Variants in GINS1 observed in about 807,000 individuals in gnomAD.
GINS1 encodes the protein GINS complex subunit 1.
Under a neutral mutation model 34.9 loss-of-function variants are expected in GINS1, and 26 were observed. The ratio of observed to expected loss-of-function variants is 0.74; its 90% CI spans 0.55 to 1.03. GINS1 has a LOEUF of 1.03. Ranked by LOEUF, GINS1 falls within the 50% of genes least tolerant of loss-of-function variation. The pLI is 0.00. For synonymous variants in GINS1, 97 were observed against 84.4 expected (o/e 1.15, Z -0.82); for missense variants, 235 against 237.9 (o/e 0.99, Z 0.08).
chr20:25,441,176 AC>A (rs1055051529), intron 5 of GINS1, among the ~76,000 whole-genome samples: 91 of 152,176 alleles, frequency 6.0e-4, no homozygotes, highest in Non-Finnish European at 1.6e-4. Context: ...TCAGAATGCT[AC>A]CACTCCTGAA....
intron 5 of GINS1, among the ~76,000 whole-genome samples, chr20:25,432,226 C>T (rs1226660767): frequency 6.6e-6 from 1 of 151,954 alleles, no homozygotes. Context: ...CTATAAATTT[C>T]TCAGTACTGC....
intron 5 of GINS1, among the ~76,000 whole-genome samples, chr20:25,426,099 A>T (rs889088760): frequency 6.6e-6 from 1 of 152,052 alleles, no homozygotes; most frequent in African/African-American, 2.4e-5. Context: ...TAACTACCTC[A>T]TGTGAGTGGA....
In GINS1 at chr20:25,446,112, C is replaced by G; in HGVS notation, c.*121C>G. On this transcript the variant is annotated 3_prime_UTR_variant, in exon 7 of 7. Transcript: ENST00000262460. ...AAGCTATAGACATTGTTTAAGATAA[C>G]TAAGAATACTTGGCTAAGAAGTATA... 2 of 540,000 alleles carry G rather than the reference C, an allele frequency of 3.7e-6. No homozygotes were observed. Among genetic ancestry groups the G allele is most frequent in the Non-Finnish European group, 6.6e-6 (2 of 301,748 alleles). The allele number at this position is 540,000 out of a possible 1,614,324, so 33.5% of individuals were successfully genotyped here.
rs552390195 is a variant in GINS1 at position 25,407,885 on chromosome 20, C to T, written c.65C>T (p.Pro22Leu). ...CATCGCGCGCCCGAAGGGCAACTGC[C>T]TGCCTTCAACGTGAGGGGCGGGTAG... Reference protein sequence around the residue: ...ELHRAPEGQLPAFNEDGLRQV... With the variant: ...ELHRAPEGQLLAFNEDGLRQV... Residue 22 changes from proline (P) to leucine (L), a missense_variant, in exon 1 of 7, where the codon CCT becomes CTT. By Grantham distance (98) the Pro-to-Leu change is moderately conservative. Coordinates refer to ENST00000262460, the MANE Select transcript of GINS1 (RefSeq NM_021067.5). The T allele has an allele frequency of 3.1e-6, 5 of 1,613,004 alleles. No homozygotes were observed. In the African/African-American group the frequency reaches 4.0e-5, roughly 13 times the overall value.
At chr20:25,440,810 C>CA (rs60014594) in intron 5 of GINS1, among the ~76,000 whole-genome samples, 1,859 of 68,280 alleles carry the variant, frequency 0.027, 18 homozygotes, top group East Asian at 0.085. Flanking sequence ...GACTCTGTCT[C>CA]AAAAAAAAAA....
chr20:25,422,548 G>GC (rs1205185186), intron 4 of GINS1, among the ~76,000 whole-genome samples: 1 of 152,068 alleles, frequency 6.6e-6, no homozygotes, highest in Non-Finnish European at 1.5e-5. Context: ...CTGAGATTGC[G>GC]CCACTGCACT....
chr20:25,413,893 AT>A, intron 2 of GINS1, 39 bp downstream of exon 2: 1 of 1,222,208 alleles, frequency 8.2e-7, no homozygotes, highest in Non-Finnish European at 1.2e-6. Context: ...CAATTCAATA[AT>A]TAAGATGTTG....
At chr20:25,428,397 CTTTT>C (rs544831869) in intron 5 of GINS1, among the ~76,000 whole-genome samples, 27 of 66,558 alleles carry the variant, frequency 4.1e-4, no homozygotes, top group African/African-American at 1.6e-3. Flanking sequence ...AGCATAATTT[CTTTT>C]TTTTTTTTTT....
intron 5 of GINS1, 41 bp downstream of exon 5, chr20:25,425,368 A>G (rs1568803674): frequency 1.2e-6 from 1 of 808,360 alleles, no homozygotes; most frequent in East Asian, 2.4e-5. Flanking sequence ...TTTAATGTGT[A>G]AATTGTGCTA....
chr20:25,408,568 C>T (rs916582645), intron 1 of GINS1, among the ~76,000 whole-genome samples: 21 of 152,070 alleles, frequency 1.4e-4, no homozygotes, highest in Admixed American at 7.9e-4. Context: ...TTCTAATAAC[C>T]CTTTGAGGGC....
intron 5 of GINS1, among the ~76,000 whole-genome samples, chr20:25,429,042 A>G (rs1291913183): frequency 2.2e-5 from 3 of 138,206 alleles, no homozygotes; most frequent in Non-Finnish European, 4.6e-5. Context: ...AGGCTGGAGT[A>G]CAGTGGTGCA....
At position 25,407,891 on chromosome 20, in the gene GINS1, T is replaced by G; in HGVS notation, c.71T>G (p.Phe24Cys). Residue 24 changes from phenylalanine (F) to cysteine (C), a missense_variant, in exon 1 of 7, where the codon TTC becomes TGC. Physicochemically the swap from Phe to Cys is radical, Grantham distance 205 (BLOSUM62 -2). Coordinates refer to ENST00000262460, the MANE Select transcript of GINS1 (RefSeq NM_021067.5). ...GCGCCCGAAGGGCAACTGCCTGCCT[T>G]CAACGTGAGGGGCGGGTAGACTTGG... ...HRAPEGQLPA[F>C]NEDGLRQVLE... The G allele has an allele frequency of 6.2e-7, 1 of 1,612,014 alleles. No homozygotes were observed. Among genetic ancestry groups the G allele is most frequent in the South Asian group, 1.1e-5 (1 of 91,004 alleles).
intron 4 of GINS1, among the ~76,000 whole-genome samples, chr20:25,422,547 C>T (rs1482681108): frequency 7.9e-5 from 12 of 152,176 alleles, no homozygotes; most frequent in Admixed American, 2.0e-4. Flanking sequence ...GCTGAGATTG[C>T]GCCACTGCAC....
At chr20:25,417,627 G>A (rs866523170) in intron 3 of GINS1, among the ~76,000 whole-genome samples, 2 of 152,076 alleles carry the variant, frequency 1.3e-5, no homozygotes, top group Non-Finnish European at 2.9e-5. Context: ...AGGCCAAGGC[G>A]GGTGGATCAT....
chr20:25,421,985 T>G (rs1276737266), intron 4 of GINS1, among the ~76,000 whole-genome samples: 1 of 152,174 alleles, frequency 6.6e-6, no homozygotes, highest in Non-Finnish European at 1.5e-5. Context: ...ATCCTTTATA[T>G]TATAAAAAAC....
intron 5 of GINS1, among the ~76,000 whole-genome samples, chr20:25,440,563 C>T (rs1054019093): frequency 5.5e-4 from 84 of 152,192 alleles, no homozygotes; most frequent in African/African-American, 1.9e-3. Flanking sequence ...GTAATCCCAG[C>T]ACTTTGGGAA....
Position 25,407,792 on chromosome 20 carries a change from C to G in GINS1, c.-29C>G. The G allele has an allele frequency of 6.3e-7, 1 of 1,597,564 alleles. No individual in the cohort carries two copies. Among genetic ancestry groups the G allele is most frequent in the Non-Finnish European group, 8.6e-7 (1 of 1,165,744 alleles). On this transcript the variant is annotated 5_prime_UTR_variant, in exon 1 of 7. Coordinates refer to ENST00000262460, the MANE Select transcript of GINS1 (RefSeq NM_021067.5). ...TTTTGGCGTGAGAGCTGGTGGTTGG[C>G]AAGGCCGCGGGAGTGGGAAGCGTCC...
chr20:25,445,413 C>T (rs1249570784), intron 6 of GINS1, among the ~76,000 whole-genome samples: 1 of 150,618 alleles, frequency 6.6e-6, no homozygotes, highest in Non-Finnish European at 1.5e-5. Context: ...GTGGCACGGT[C>T]TCGGCTCACT....
intron 5 of GINS1, among the ~76,000 whole-genome samples, chr20:25,436,141 CAG>C (rs1406022723): frequency 1.1e-4 from 16 of 152,188 alleles, no homozygotes; most frequent in African/African-American, 3.6e-4. Flanking sequence ...TTCTAGATAA[CAG>C]GGTCTCCCTA....
Sources: allele counts gnomAD v4.1 joint callset (sites outside exome capture counted in the v4.1 genomes callset), GRCh38; gene constraint gnomAD v4.1.1; transcripts MANE v1.5; gene names NCBI Gene and HGNC (gene_info 2026-07-23, HGNC 2026-07-21).